Variants in PKIB observed in about 807,000 individuals in gnomAD.
The protein encoded by PKIB is PKI-beta.
In PKIB, 2 loss-of-function variants were observed where a neutral mutation model predicts 4.5. The observed-to-expected ratio is 0.44, with a 90% confidence interval of 0.18 to 1.39. The LOEUF (loss-of-function observed/expected upper bound fraction) is 1.39, where lower values mean the gene tolerates loss of function less well. Ranked by LOEUF, PKIB falls within the 40% of genes most tolerant of loss-of-function variation. The pLI, the probability that PKIB is intolerant of heterozygous loss-of-function variation, is 0.27. For synonymous variants in PKIB, 38 were observed against 36.0 expected, an observed-to-expected ratio of 1.06 and a Z score of -0.20; for missense variants, 94 against 92.6, an observed-to-expected ratio of 1.02 and a Z score of -0.06.
chr6:122,677,385 T>C (rs1313589641), intron 3 of PKIB, among the ~76,000 whole-genome samples: 1 of 152,196 alleles, frequency 6.6e-6, no homozygotes, highest in Non-Finnish European at 1.5e-5. Context: ...AATTCCTGCT[T>C]TACAGCCTCA....
intron 1 of PKIB, among the ~76,000 whole-genome samples, chr6:122,627,794 T>A (rs1013032594): frequency 1.3e-5 from 2 of 152,218 alleles, no homozygotes; most frequent in African/African-American, 4.8e-5. Flanking sequence ...ACTTTCATGG[T>A]CATCCCTCAT....
At chr6:122,596,738 A>G (rs1200521950) in intron 3 of PKIB, among the ~76,000 whole-genome samples, 1 of 152,194 alleles carries the variant, frequency 6.6e-6, no homozygotes, top group Admixed American at 6.5e-5. Context: ...AGCCTGCCAA[A>G]GGCTCCAAAC....
At chr6:122,558,678 T>G (rs750979255) in intron 2 of PKIB, among the ~76,000 whole-genome samples, 9 of 152,050 alleles carry the variant, frequency 5.9e-5, no homozygotes, top group Non-Finnish European at 1.0e-4. Flanking sequence ...ATAATAAAAC[T>G]CCTTCATACA....
intron 2 of PKIB, among the ~76,000 whole-genome samples, chr6:122,535,957 A>C (rs1294591416): frequency 6.6e-6 from 1 of 152,158 alleles, no homozygotes; most frequent in African/African-American, 2.4e-5. Context: ...TTTTAGACAG[A>C]ATCTGACAGA....
intron 2 of PKIB, among the ~76,000 whole-genome samples, chr6:122,537,829 T>TCCA (rs903474797): frequency 1.3e-5 from 2 of 152,014 alleles, no homozygotes; most frequent in Admixed American, 6.6e-5. Context: ...CCACATCCTC[T>TCCA]CCAGCACCTG....
chr6:122,506,675 C>G (rs989017338), intron 2 of PKIB, among the ~76,000 whole-genome samples: 57 of 150,808 alleles, frequency 3.8e-4, no homozygotes, highest in Non-Finnish European at 2.1e-4. Flanking sequence ...TTTGTAGTAC[C>G]AGTGTGATTG....
chr6:122,603,468 G>T (rs988451699), intron 3 of PKIB, among the ~76,000 whole-genome samples: 4 of 152,014 alleles, frequency 2.6e-5, no homozygotes, highest in Admixed American at 6.6e-5. Flanking sequence ...GAAAAAATTT[G>T]AAAGACATTT....
At chr6:122,648,826 C>A (rs1181360601) in intron 2 of PKIB, among the ~76,000 whole-genome samples, 1 of 152,142 alleles carries the variant, frequency 6.6e-6, no homozygotes, top group African/African-American at 2.4e-5. Context: ...ATATTGGGGA[C>A]TCAGTGTTGG....
chr6:122,626,891 A>G (rs1448960494), intron 1 of PKIB, among the ~76,000 whole-genome samples: 3 of 152,076 alleles, frequency 2.0e-5, no homozygotes, highest in Non-Finnish European at 4.4e-5. Flanking sequence ...TCTTTACCTG[A>G]TAACAGCTAT....
At chr6:122,691,131 T>G (rs1174001103) in intron 3 of PKIB, among the ~76,000 whole-genome samples, 1 of 152,004 alleles carries the variant, frequency 6.6e-6, no homozygotes, top group African/African-American at 2.4e-5. Flanking sequence ...ATCCTTGACC[T>G]TTGGGAGTTT....
intron 2 of PKIB, among the ~76,000 whole-genome samples, chr6:122,488,314 A>G (rs1775829035): frequency 6.6e-6 from 1 of 152,110 alleles, no homozygotes; most frequent in African/African-American, 2.4e-5. Context: ...GTCTATTGTT[A>G]TAATTATTTA....
chr6:122,662,094 A>G (rs1476557747), intron 2 of PKIB, among the ~76,000 whole-genome samples: 1 of 152,014 alleles, frequency 6.6e-6, no homozygotes, highest in Non-Finnish European at 1.5e-5. Context: ...TTAACTTACA[A>G]ATCTCTTATC....
intron 1 of PKIB, among the ~76,000 whole-genome samples, chr6:122,613,145 G>A (rs185799328): frequency 6.6e-6 from 1 of 152,216 alleles, no homozygotes; most frequent in East Asian, 1.9e-4. Context: ...AATGTCAATT[G>A]AAAATGAGAA....
chr6:122,524,199 TTTC>T (rs1260050843), intron 2 of PKIB, among the ~76,000 whole-genome samples: 1 of 142,746 alleles, frequency 7.0e-6, no homozygotes, highest in Non-Finnish European at 1.5e-5. Context: ...CCTCTTCTTC[TTTC>T]TTCTTCCTCC....
intron 1 of PKIB, among the ~76,000 whole-genome samples, chr6:122,627,116 G>C (rs181364015): frequency 0.013 from 1,874 of 149,636 alleles, 50 homozygotes; most frequent in African/African-American, 0.042. Context: ...GCTGGCGGGC[G>C]CCTGTAGTCC....
At chr6:122,657,913 A>G (rs1211832449) in intron 2 of PKIB, among the ~76,000 whole-genome samples, 5 of 152,216 alleles carry the variant, frequency 3.3e-5, no homozygotes, top group Non-Finnish European at 5.9e-5. Flanking sequence ...CATATATCAG[A>G]TATGTGTGGT....
exon 3 of PKIB, chr6:122,585,963 G>A (rs552302700): frequency 6.6e-6 from 1 of 152,136 alleles, no homozygotes; most frequent in East Asian, 1.9e-4. Context: ...AAATTAATTT[G>A]ATTTTGAGAT....
chr6:122,657,728 T>C (rs1776828690), intron 2 of PKIB, among the ~76,000 whole-genome samples: 1 of 152,250 alleles, frequency 6.6e-6, no homozygotes, highest in Admixed American at 6.5e-5. Context: ...TTTAGCTGTA[T>C]GTTTCTAATC....
intron 2 of PKIB, among the ~76,000 whole-genome samples, chr6:122,542,455 C>T (rs1020429843): frequency 9.2e-5 from 14 of 152,136 alleles, no homozygotes; most frequent in African/African-American, 3.4e-4. Context: ...CCACTCCAGA[C>T]TCTGTTTGCC....
Sources: allele counts gnomAD v4.1 joint callset (sites outside exome capture counted in the v4.1 genomes callset), GRCh38; gene constraint gnomAD v4.1.1; transcripts MANE v1.5; gene names NCBI Gene and HGNC (gene_info 2026-07-23, HGNC 2026-07-21).